Variants in PTCHD4 observed in about 807,000 individuals in gnomAD.
The protein encoded by PTCHD4 is patched domain containing 4.
In PTCHD4, 33 loss-of-function variants were observed where a neutral mutation model predicts 58.1. The observed-to-expected ratio is 0.57, with a 90% CI of 0.43 to 0.76. The LOEUF is 0.76. Among genes scored for constraint, PTCHD4 ranks in the 30% least tolerant of loss-of-function variants. PTCHD4 has a pLI of 0.00. For missense variants in PTCHD4, 1,058 were observed against 1,027.1 expected, an observed-to-expected ratio of 1.03 and a Z score of -0.41; for synonymous variants, 478 against 409.6, an observed-to-expected ratio of 1.17 and a Z score of -2.02.
chr6:47,955,362 A>G (rs2113955888), intron 4 of PTCHD4, among the ~76,000 whole-genome samples: 1 of 152,314 alleles, frequency 6.6e-6, no homozygotes. Flanking sequence ...AATAAACAAA[A>G]TGGATATTGT....
intron 4 of PTCHD4, 98 bp from the exon 5 acceptor site, chr6:47,880,034 C>T (rs1763974735): frequency 2.1e-6 from 2 of 941,336 alleles, no homozygotes; most frequent in Non-Finnish European, 3.1e-6. Context: ...GCACTTTATA[C>T]TCTAATCTTC....
intron 4 of PTCHD4, among the ~76,000 whole-genome samples, chr6:47,965,818 G>C (rs1405954268): frequency 6.6e-6 from 1 of 152,154 alleles, no homozygotes; most frequent in Non-Finnish European, 1.5e-5. Flanking sequence ...GGGAGGCTGA[G>C]GCAGGAGAAT....
intron 4 of PTCHD4, among the ~76,000 whole-genome samples, chr6:47,948,468 G>A (rs769298742): frequency 1.3e-5 from 2 of 152,086 alleles, no homozygotes; most frequent in South Asian, 2.1e-4. Context: ...TCAGAAGTTC[G>A]GAATTGTGAG....
At chr6:48,077,201 G>A (rs769081658) in intron 1 of PTCHD4, among the ~76,000 whole-genome samples, 4 of 152,182 alleles carry the variant, frequency 2.6e-5, no homozygotes, top group African/African-American at 7.2e-5. Context: ...GTTTAGCACA[G>A]GTGGAATAGA....
chr6:47,917,326 CT>C (rs1265062611), intron 4 of PTCHD4, among the ~76,000 whole-genome samples: 1 of 152,094 alleles, frequency 6.6e-6, no homozygotes, highest in Non-Finnish European at 1.5e-5. Flanking sequence ...ATGTTTTAAA[CT>C]GATTTAGAAT....
At chr6:47,914,347 A>T (rs1382167730) in intron 4 of PTCHD4, among the ~76,000 whole-genome samples, 1 of 152,064 alleles carries the variant, frequency 6.6e-6, no homozygotes, top group African/African-American at 2.4e-5. Context: ...TCGCATTTGA[A>T]TTAGTACACT....
intron 4 of PTCHD4, among the ~76,000 whole-genome samples, chr6:47,911,353 C>G (rs1536819): frequency 0.55 from 84,302 of 151,984 alleles, 25,066 homozygotes; most frequent in East Asian, 0.78. Context: ...AGCTCTTGGG[C>G]TCTGGTGACA....
chr6:47,874,935 C>T lies in PTCHD4; in HGVS notation c.*3368G>A, dbSNP rs1763808749. On this transcript the variant is annotated 3_prime_UTR_variant, in exon 5 of 5. Transcript: ENST00000339488. The stretch of plus-strand genomic sequence containing the variant: ...CCATAAACGGTAAAAAATCTTTTAG[C>T]TGATCTCTCTGTAATTTAGGTGAGT... 6.6e-6 allele frequency among the ~76,000 whole-genome samples: 1 copy of T among 151,748 alleles called. No homozygotes were observed. Among genetic ancestry groups the T allele is most frequent in the South Asian group, 2.1e-4 (1 of 4,828 alleles).
rs1763829974 is a variant in PTCHD4, at chr6:47,875,698, C to G, written c.*2605G>C. Reference sequence around the variant, plus strand: ...CTAAAAAAGAACTGTTTTTCCCTATCTAAACAGAGACTATCTGGATGGAGA... The same window carrying G: ...CTAAAAAAGAACTGTTTTTCCCTATGTAAACAGAGACTATCTGGATGGAGA... On this transcript the variant is annotated 3_prime_UTR_variant, in exon 5 of 5. Coordinates refer to ENST00000339488, the MANE Select transcript of PTCHD4 (RefSeq NM_001384253.1). Among the ~76,000 whole-genome samples the G allele has an allele frequency of 1.3e-5, 2 of 151,798 alleles. No individual in the cohort carries two copies. Among genetic ancestry groups the G allele is most frequent in the Middle Eastern group, 3.2e-3 (1 of 316 alleles).
chr6:48,033,757 A>G (rs1411024443), intron 3 of PTCHD4, among the ~76,000 whole-genome samples: 3 of 152,068 alleles, frequency 2.0e-5, no homozygotes, highest in Non-Finnish European at 4.4e-5. Context: ...AGTTGGACCA[A>G]CACTGAGTGT....
intron 4 of PTCHD4, among the ~76,000 whole-genome samples, chr6:47,964,997 C>T (rs1031103367): frequency 6.6e-6 from 1 of 151,968 alleles, no homozygotes; most frequent in Non-Finnish European, 1.5e-5. Flanking sequence ...TTGATAACTG[C>T]CATTACGTAT....
In PTCHD4 at chr6:47,873,072, CT is replaced by C. The variant is rs1385228118; in HGVS notation, c.*5230del. Among the ~76,000 whole-genome samples, 1 of 151,642 alleles carries C rather than the reference CT, an allele frequency of 6.6e-6. No individual in the cohort carries two copies. Among genetic ancestry groups the C allele is most frequent in the Non-Finnish European group, 1.5e-5 (1 of 67,738 alleles). ...GCTTCTTTACAAAGAGTCTCCCTAG[CT>C]TTTCACTTTCACTAACAAAAGGGTC... On this transcript the variant is annotated 3_prime_UTR_variant, in exon 5 of 5. Coordinates refer to ENST00000339488, the MANE Select transcript of PTCHD4 (RefSeq NM_001384253.1).
chr6:47,883,328 T>C (rs950657735), intron 4 of PTCHD4, among the ~76,000 whole-genome samples: 1 of 152,070 alleles, frequency 6.6e-6, no homozygotes, highest in African/African-American at 2.4e-5. Flanking sequence ...TTGGCACTTG[T>C]AACAAAGCCA....
intron 4 of PTCHD4, among the ~76,000 whole-genome samples, chr6:47,947,462 G>A (rs879390209): frequency 1.3e-5 from 2 of 151,380 alleles, no homozygotes; most frequent in Non-Finnish European, 2.9e-5. Flanking sequence ...ACATTCATTA[G>A]CTCCTCCTTT....
At chr6:48,100,083 T>C (rs1235571932) in intron 1 of PTCHD4, among the ~76,000 whole-genome samples, 3 of 152,138 alleles carry the variant, frequency 2.0e-5, no homozygotes, top group Non-Finnish European at 4.4e-5. Context: ...TCTCATAAAA[T>C]TGAAAACAAT....
At chr6:47,942,000 A>T (rs1365342754) in intron 4 of PTCHD4, among the ~76,000 whole-genome samples, 1 of 152,214 alleles carries the variant, frequency 6.6e-6, no homozygotes, top group African/African-American at 2.4e-5. Flanking sequence ...CACATTGGAA[A>T]ATCAGCAATT....
chr6:47,985,741 T>G (rs1311486079), intron 4 of PTCHD4, among the ~76,000 whole-genome samples: 1 of 110,422 alleles, frequency 9.1e-6, no homozygotes, highest in Non-Finnish European at 1.9e-5. Context: ...GATTTTCATT[T>G]AAATGCATTC....
At chr6:47,894,874 G>A (rs756355400) in intron 4 of PTCHD4, among the ~76,000 whole-genome samples, 1 of 152,244 alleles carries the variant, frequency 6.6e-6, no homozygotes, top group Non-Finnish European at 1.5e-5. Context: ...GCTCATGCTT[G>A]TAATCCCAGC....
intron 4 of PTCHD4, among the ~76,000 whole-genome samples, chr6:47,963,216 A>T (rs1449895978): frequency 2.6e-5 from 4 of 152,106 alleles, no homozygotes; most frequent in Admixed American, 6.6e-5. Flanking sequence ...AAGAATAAAC[A>T]CATGCCAACA....
Sources: allele counts gnomAD v4.1 joint callset (sites outside exome capture counted in the v4.1 genomes callset), GRCh38; gene constraint gnomAD v4.1.1; transcripts MANE v1.5; gene names NCBI Gene and HGNC (gene_info 2026-07-23, HGNC 2026-07-21).